ARGLU1: variants seen among roughly 807,000 people sequenced by gnomAD.
The protein encoded by ARGLU1 is arginine and glutamate-rich protein 1.
Under a neutral mutation model 37.6 loss-of-function variants are expected in ARGLU1, and 9 were observed. The ratio of observed to expected loss-of-function variants is 0.24; its 90% CI spans 0.14 to 0.42. The LOEUF is 0.42. Among genes scored for constraint, ARGLU1 ranks in the 10% least tolerant of loss-of-function variants. The pLI is 1.00. For missense variants in ARGLU1, 211 were observed against 359.2 expected (o/e 0.59, Z 3.34); for synonymous variants, 166 against 138.5 (o/e 1.20, Z -1.39).
chr13:106,563,219 T>C (rs1022289445), intron 1 of ARGLU1, among the ~76,000 whole-genome samples: 1 of 152,176 alleles, frequency 6.6e-6, no homozygotes, highest in Non-Finnish European at 1.5e-5. Flanking sequence ...ACTTAATAGG[T>C]AACATATAAT....
chr13:106,547,043 G>A (rs1470961475), intron 3 of ARGLU1, among the ~76,000 whole-genome samples: 2 of 152,108 alleles, frequency 1.3e-5, no homozygotes. Flanking sequence ...TGGTTACCAT[G>A]GGAATGGGCT....
chr13:106,545,285 T>C (rs375896739), intron 3 of ARGLU1, among the ~76,000 whole-genome samples: 2 of 152,210 alleles, frequency 1.3e-5, no homozygotes, highest in African/African-American at 4.8e-5. Context: ...TATCATGATT[T>C]ATCCTTTTTC....
intron 3 of ARGLU1, among the ~76,000 whole-genome samples, chr13:106,555,252 G>C (rs1880632809): frequency 6.6e-6 from 1 of 152,114 alleles, no homozygotes; most frequent in Non-Finnish European, 1.5e-5. Flanking sequence ...AGCTACTCGG[G>C]AGGCTGAGGC....
At chr13:106,549,076 G>T (rs112962127) in intron 3 of ARGLU1, among the ~76,000 whole-genome samples, 25 of 152,232 alleles carry the variant, frequency 1.6e-4, no homozygotes, top group African/African-American at 5.1e-4. Flanking sequence ...TTACCCAGAG[G>T]ATCTACTGAT....
chr13:106,550,879 G>T (rs951858924), intron 3 of ARGLU1, among the ~76,000 whole-genome samples: 1 of 152,204 alleles, frequency 6.6e-6, no homozygotes, highest in Admixed American at 6.5e-5. Context: ...TCTGTCAGGA[G>T]TCTGAACACC....
In ARGLU1 at chr13:106,557,678, A is replaced by C; in HGVS notation, c.574-547T>G. On this transcript the variant is annotated intron_variant, in intron 2 of 3. Transcript: ENST00000400198. This position sits in a 1 kb window ranked among gnomAD's most constrained non-coding sequence, Gnocchi z 5.0. ...TGCATCAGCAGCTCAACCATTTATA[A>C]AGAAACAACATACAAGGAAGGCTGA... 6.5e-7 allele frequency: 1 copy of C among 1,547,280 alleles called. No homozygotes were observed. Among genetic ancestry groups the C allele is most frequent in the South Asian group, 1.2e-5 (1 of 82,846 alleles).
At chr13:106,562,193 T>C (rs1880824976) in intron 1 of ARGLU1, among the ~76,000 whole-genome samples, 1 of 152,186 alleles carries the variant, frequency 6.6e-6, no homozygotes, top group Non-Finnish European at 1.5e-5. Context: ...AAGAATATAA[T>C]TTCTGCTGTT....
At chr13:106,547,722 A>G (rs1027343503) in intron 3 of ARGLU1, among the ~76,000 whole-genome samples, 1 of 152,158 alleles carries the variant, frequency 6.6e-6, no homozygotes, top group South Asian at 2.1e-4. Flanking sequence ...AAAAGATTTT[A>G]AAAACCCGTA....
intron 1 of ARGLU1, among the ~76,000 whole-genome samples, chr13:106,562,395 C>G (rs1398748595): frequency 2.6e-5 from 4 of 152,070 alleles, no homozygotes; most frequent in African/African-American, 4.8e-5. Flanking sequence ...TCATCATAAT[C>G]AATGATAAAA....
At chr13:106,555,980 T>C (rs527713409) in intron 3 of ARGLU1, among the ~76,000 whole-genome samples, 4 of 152,324 alleles carry the variant, frequency 2.6e-5, no homozygotes, top group South Asian at 2.1e-4. Context: ...CAGAGTGTAT[T>C]TACCCTTCAA....
At position 106,544,068 on chromosome 13, in the gene ARGLU1, T is replaced by A; in HGVS notation, c.750A>T (p.Glu250Asp). 3.7e-6 allele frequency: 6 copies of A among 1,607,664 alleles called. No homozygotes were observed. The highest frequency in any genetic ancestry group is 5.1e-6 in the Non-Finnish European group (6 of 1,177,820). Residue 250 changes from glutamate to aspartate, a missense_variant, in exon 4 of 4, where the codon GAA becomes GAT. This residue lies in a region of ARGLU1 where 80 missense variants were observed against 158.4 expected (regional missense o/e 0.51). Transcript: ENST00000400198. ...CCTTGCCCAGGATAATTTTTTGTTC[T>A]TCTTTTTGTTGACGTTGTCGTTCTT... ...LEQERQRQQK[E>D]EQKIILGKGK...
chr13:106,562,171 G>T (rs1389912547), intron 1 of ARGLU1, among the ~76,000 whole-genome samples: 1 of 152,170 alleles, frequency 6.6e-6, no homozygotes, highest in Non-Finnish European at 1.5e-5. Context: ...CTGTTTGCCT[G>T]CAAGTGTTAG....
chr13:106,552,762 G>A (rs924402314), intron 3 of ARGLU1, among the ~76,000 whole-genome samples: 10 of 152,128 alleles, frequency 6.6e-5, no homozygotes, highest in Non-Finnish European at 1.3e-4. Context: ...AGATAGTTAT[G>A]TGTCGCCAAC....
At chr13:106,548,915 CT>C (rs1223328911) in intron 3 of ARGLU1, among the ~76,000 whole-genome samples, 1 of 152,048 alleles carries the variant, frequency 6.6e-6, no homozygotes, top group African/African-American at 2.4e-5. Context: ...CGCCCGGCTC[CT>C]TTTTTTGTAG....
rs1880665727 is a variant in ARGLU1 at position 106,556,548 on chromosome 13, C to A, written c.657+500G>T. Among the ~76,000 whole-genome samples the A allele has an allele frequency of 2.2e-5, 3 of 135,116 alleles. No individual in the cohort carries two copies. In the South Asian group the frequency reaches 7.4e-4, roughly 34 times the overall value. 88.6% of individuals were successfully genotyped at this position (135,116 alleles called of 152,430 possible). A position where few individuals can be genotyped will look rare whatever the true frequency, so the allele number is the denominator to read the frequency against. ...ACTGGAGCTTACAACTTGCTTTCCC[C>A]CACCCCCATCTTTCTATATTATATA... On this transcript the variant is annotated intron_variant, in intron 3 of 3. Coordinates refer to ENST00000400198, the MANE Select transcript of ARGLU1 (RefSeq NM_018011.4).
chr13:106,551,285 G>T (rs1274475855), intron 3 of ARGLU1, among the ~76,000 whole-genome samples: 1 of 152,084 alleles, frequency 6.6e-6, no homozygotes, highest in Non-Finnish European at 1.5e-5. Context: ...AAGAAACCAG[G>T]CTGCAACTTC....
At chr13:106,553,119 T>C (rs1880574613) in intron 3 of ARGLU1, among the ~76,000 whole-genome samples, 1 of 152,202 alleles carries the variant, frequency 6.6e-6, no homozygotes, top group Non-Finnish European at 1.5e-5. Context: ...AAAAGTGATA[T>C]ACATTACTTG....
At chr13:106,566,064 A>T (rs1171032354) in intron 1 of ARGLU1, among the ~76,000 whole-genome samples, 1 of 152,194 alleles carries the variant, frequency 6.6e-6, no homozygotes, top group Non-Finnish European at 1.5e-5. Context: ...CCATCTGTTG[A>T]TAGCTATTTG....
At chr13:106,560,753 G>A (rs1880778698) in intron 1 of ARGLU1, among the ~76,000 whole-genome samples, 1 of 152,126 alleles carries the variant, frequency 6.6e-6, no homozygotes, top group African/African-American at 2.4e-5. Context: ...CTAAGAGGAC[G>A]ATTCATGTTC....
Sources: allele counts gnomAD v4.1 joint callset (sites outside exome capture counted in the v4.1 genomes callset), GRCh38; gene constraint gnomAD v4.1.1; regional missense constraint gnomAD v4.1.1; non-coding constraint Gnocchi (gnomAD v3.1); transcripts MANE v1.5; gene names NCBI Gene and HGNC (gene_info 2026-07-23, HGNC 2026-07-21).